The following CFAP92 variants were observed in gnomAD, a reference collection of about 807,000 sequenced individuals.
CFAP92 encodes uncharacterized protein CFAP92.
In CFAP92, 86 loss-of-function variants were observed where a neutral mutation model predicts 106.3. The observed-to-expected ratio is 0.81, with a 90% CI of 0.68 to 0.97. The LOEUF is 0.97. CFAP92 is among the 50% of genes least tolerant of loss of function. CFAP92 has a pLI of 0.00. For synonymous variants in CFAP92, 477 were observed against 506.4 expected, an observed-to-expected ratio of 0.94 and a Z score of 0.78; for missense variants, 1,204 against 1,283.8, an observed-to-expected ratio of 0.94 and a Z score of 0.95.
At chr3:129,022,308 G>A in the CFAP92 span, among the ~76,000 whole-genome samples, 1 of 152,214 alleles carries the variant, frequency 6.6e-6, no homozygotes, top group East Asian at 1.9e-4. Flanking sequence ...CTCAGAGACG[G>A]GGAGGGAGTT....
intron 9 of CFAP92, among the ~76,000 whole-genome samples, chr3:128,951,759 A>G (rs900679460): frequency 1.6e-4 from 25 of 152,150 alleles, no homozygotes; most frequent in African/African-American, 6.0e-4. Flanking sequence ...GACACACACC[A>G]TGGAAAAAAT....
At chr3:128,995,490 GGAA>G (rs1242613307), upstream of CFAP92, among the ~76,000 whole-genome samples, 3 of 152,182 alleles carry the variant, frequency 2.0e-5, no homozygotes, top group Non-Finnish European at 4.4e-5. Context: ...ATGAAGGGCT[GGAA>G]GAATACAAAG....
chr3:128,980,646 C>T (rs1943470916), intron 4 of CFAP92, among the ~76,000 whole-genome samples: 1 of 152,300 alleles, frequency 6.6e-6, no homozygotes, highest in Non-Finnish European at 1.5e-5. Context: ...ACTTCTTTAT[C>T]AACTAAATGT....
the CFAP92 span, among the ~76,000 whole-genome samples, chr3:129,023,397 T>C: frequency 6.6e-6 from 1 of 151,946 alleles, no homozygotes; most frequent in Admixed American, 6.6e-5. Context: ...GGTGCGATCT[T>C]GGCTCACTGC....
chr3:128,995,666 A>G (rs1157289926), upstream of CFAP92, among the ~76,000 whole-genome samples: 1 of 152,230 alleles, frequency 6.6e-6, no homozygotes, highest in Admixed American at 6.5e-5. Context: ...CACCTAGGAC[A>G]GAAGCCAATC....
At chr3:129,026,165 T>C in the CFAP92 span, among the ~76,000 whole-genome samples, 1 of 152,228 alleles carries the variant, frequency 6.6e-6, no homozygotes, top group Non-Finnish European at 1.5e-5. Context: ...TAGTTGGTAT[T>C]GTCGTTGCTG....
rs556354266 is a variant in CFAP92, at chr3:128,963,347, C to T, written c.1353+2164G>A. Reference sequence around the variant, plus strand: ...TTAGCCTAGCCCTCATGTCTGCGTGCAGCGGCTGCCGCTGCTTTAATACTG... The same window carrying T: ...TTAGCCTAGCCCTCATGTCTGCGTGTAGCGGCTGCCGCTGCTTTAATACTG... On this transcript the variant is annotated intron_variant, in intron 9 of 15. Transcript: ENST00000645291. Among the ~76,000 whole-genome samples, 709 of 152,264 alleles carry T rather than the reference C, an allele frequency of 4.7e-3. 10 individuals carry two copies. Among genetic ancestry groups the T allele is most frequent in the African/African-American group, 0.016 (679 of 41,522 alleles).
chr3:128,985,548 C>T (rs2107809075), intron 4 of CFAP92, among the ~76,000 whole-genome samples: 1 of 152,174 alleles, frequency 6.6e-6, no homozygotes, highest in East Asian at 1.9e-4. Flanking sequence ...CCTTTACCCA[C>T]CCAAACTTTG....
chr3:128,924,469 A>T (rs1937530250), intron 12 of CFAP92, among the ~76,000 whole-genome samples: 1 of 91,960 alleles, frequency 1.1e-5, no homozygotes, highest in Admixed American at 1.5e-4. Context: ...TTTGAGACAG[A>T]GTTTCGCTCT....
Position 128,957,310 on chromosome 3 carries a change from C to T in CFAP92, c.1353+8201G>A, listed in dbSNP as rs546729251. Among the ~76,000 whole-genome samples the T allele has an allele frequency of 6.6e-5, 10 of 152,256 alleles. No individual in the cohort carries two copies. In the South Asian group the frequency reaches 2.1e-3, roughly 32 times the overall value. On this transcript the variant is annotated intron_variant, in intron 9 of 15. Coordinates refer to ENST00000645291, the MANE Select transcript of CFAP92 (RefSeq NM_001394090.1). ...GTTGAAGCAAAAAGTATAACATCAT[C>T]TCATGTGGTTATCAATCTATGTAGA...
chr3:128,944,480 G>A (rs1940003543), intron 10 of CFAP92, among the ~76,000 whole-genome samples: 1 of 152,100 alleles, frequency 6.6e-6, no homozygotes. Flanking sequence ...TGAACTCTGA[G>A]GACAGATGGG....
intron 9 of CFAP92, among the ~76,000 whole-genome samples, chr3:128,956,338 T>C (rs910391647): frequency 6.7e-6 from 1 of 150,238 alleles, no homozygotes; most frequent in Non-Finnish European, 1.5e-5. Context: ...ACAAAAGAAC[T>C]AATATTCATG....
chr3:129,019,578 C>G, the CFAP92 span, among the ~76,000 whole-genome samples: 1 of 152,136 alleles, frequency 6.6e-6, no homozygotes, highest in Non-Finnish European at 1.5e-5. Context: ...GGAAAAATGA[C>G]TGTAAACTAT....
rs1475884053 is a variant in CFAP92 at position 128,993,269 on chromosome 3, G to A, written c.36C>T (p.Pro12=). The A allele has an allele frequency of 1.9e-6, 3 of 1,613,798 alleles. No individual in the cohort carries two copies. Among genetic ancestry groups the A allele is most frequent in the South Asian group, 1.1e-5 (1 of 91,072 alleles). ...SLHAWEWEED[P]ASIEPISSIT... is the part of the protein sequence containing the mutation. ...TGGAGGAGATGGGCTCTATGCTTGC[G>A]GGGTCCTCTTCCCACTCCCAGGCAT... The change falls in exon 2 of 16, where the codon CCC becomes CCT. Residue 12 remains proline, a synonymous_variant. Coordinates refer to ENST00000645291, the MANE Select transcript of CFAP92 (RefSeq NM_001394090.1).
chr3:128,965,539 G>A lies in CFAP92; in HGVS notation c.1325C>T (p.Ser442Leu), dbSNP rs553688085. 21 of 399,022 alleles carry A rather than the reference G, an allele frequency of 5.3e-5. 1 individual carries two copies. In the South Asian group the frequency reaches 2.5e-3, roughly 48 times the overall value. 24.7% of individuals were successfully genotyped at this position (399,022 alleles called of 1,614,324 possible). ...IKIKCASCLP[S>L]QPVPIQELER... ...TAGTTCCTGAATGGGTACAGGCTGT[G>A]ATGGAAGGCAGGAAGCACACTTGAT... The change falls in exon 9 of 16, where the codon TCA (serine) becomes TTA (leucine). Residue 442 changes from serine (S) to leucine (L), a missense_variant. Transcript: ENST00000645291.
At chr3:129,016,513 C>A in the CFAP92 span, among the ~76,000 whole-genome samples, 159 of 150,858 alleles carry the variant, frequency 1.1e-3, 1 homozygote, top group African/African-American at 3.8e-3. Flanking sequence ...TGTCTAGAGC[C>A]TCTGGGGAAG....
At chr3:129,004,064 C>A (rs1944944184), upstream of CFAP92, 1 of 1,509,368 alleles carries the variant, frequency 6.6e-7, no homozygotes, top group Admixed American at 2.1e-5. Context: ...GGAGGCGGAG[C>A]TGCAACGCTA....
rs1576539578 is a variant in CFAP92 at position 128,962,132 on chromosome 3, G to A, written c.1353+3379C>T. 2.6e-5 allele frequency among the ~76,000 whole-genome samples: 4 copies of A among 152,326 alleles called. No homozygotes were observed. The East Asian group carries it at 5.8e-4, about 22-fold the overall frequency. On this transcript the variant is annotated intron_variant, in intron 9 of 15. Transcript: ENST00000645291. ...CAGAGCCCCTGGAACTCTGGCCCGA[G>A]GCTCTCTGACTGACTCCTTCTCGGC...
chr3:128,910,829 T>TG, intron 15 of CFAP92: 2 of 1,613,938 alleles, frequency 1.2e-6, no homozygotes, highest in South Asian at 1.1e-5. Context: ...TGGCATGTCT[T>TG]GGGGGAGGGA....
Sources: allele counts gnomAD v4.1 joint callset (sites outside exome capture counted in the v4.1 genomes callset), GRCh38; gene constraint gnomAD v4.1.1; transcripts MANE v1.5; gene names NCBI Gene and HGNC (gene_info 2026-07-23, HGNC 2026-07-21).